IQSEC1: variants seen among roughly 807,000 people sequenced by gnomAD.
IQSEC1 encodes the protein IQ motif and Sec7 domain ArfGEF 1, also known as IQ motif and SEC7 domain-containing protein 1.
A neutral mutation model predicts 91.0 loss-of-function variants in IQSEC1; 31 were observed. That is an observed-to-expected ratio of 0.34 (90% CI 0.26 to 0.46). The LOEUF is 0.46. IQSEC1 is among the 20% of genes least tolerant of loss of function. The pLI is 1.00. For missense variants in IQSEC1, 1,388 were observed against 1,575.6 expected, an observed-to-expected ratio of 0.88 and a Z score of 2.02; for synonymous variants, 699 against 662.6, an observed-to-expected ratio of 1.05 and a Z score of -0.84.
chr3:13,060,519 G>A (rs1055886944), intron 1 of IQSEC1, among the ~76,000 whole-genome samples: 5 of 152,330 alleles, frequency 3.3e-5, no homozygotes, highest in East Asian at 1.9e-4. Flanking sequence ...ACCGATGGGC[G>A]GGGTAGCCCT....
At chr3:13,195,344 G>A (rs150129014) in intron 1 of IQSEC1, among the ~76,000 whole-genome samples, 8 of 152,282 alleles carry the variant, frequency 5.3e-5, no homozygotes, top group Admixed American at 2.6e-4. Flanking sequence ...ACCAGAGGCC[G>A]GAGAGGATAC....
At chr3:13,050,420 C>T (rs1488141482) in intron 1 of IQSEC1, among the ~76,000 whole-genome samples, 14 of 152,188 alleles carry the variant, frequency 9.2e-5, no homozygotes, top group Admixed American at 9.2e-4. Context: ...ATAGCAATAA[C>T]AGCGCCCACC....
intron 2 of IQSEC1, among the ~76,000 whole-genome samples, chr3:13,101,255 G>A (rs1576250318): frequency 6.6e-6 from 1 of 152,150 alleles, no homozygotes; most frequent in East Asian, 1.9e-4. Context: ...GCCGAGGTGG[G>A]TGGATCATGA....
At chr3:12,939,141 C>T (rs1232144078) in intron 2 of IQSEC1, among the ~76,000 whole-genome samples, 1 of 152,244 alleles carries the variant, frequency 6.6e-6, no homozygotes, top group African/African-American at 2.4e-5. Flanking sequence ...TACCCCACTT[C>T]TCAGCAAGGA....
chr3:13,146,116 TG>T (rs1369349965), intron 2 of IQSEC1, among the ~76,000 whole-genome samples: 1 of 151,738 alleles, frequency 6.6e-6, no homozygotes, highest in East Asian at 1.9e-4. Context: ...ACCTCCTAAG[TG>T]GCTGGGACTG....
At chr3:13,137,641 T>G (rs1706731987) in intron 2 of IQSEC1, among the ~76,000 whole-genome samples, 1 of 152,202 alleles carries the variant, frequency 6.6e-6, no homozygotes, top group African/African-American at 2.4e-5. Context: ...GGCTCACAGA[T>G]AATCATTATT....
At chr3:13,064,710 T>C (rs1387986261) in intron 1 of IQSEC1, among the ~76,000 whole-genome samples, 1 of 152,236 alleles carries the variant, frequency 6.6e-6, no homozygotes, top group East Asian at 1.9e-4. Flanking sequence ...ATTCAAATCA[T>C]ACAAAATGCA....
intron 1 of IQSEC1, among the ~76,000 whole-genome samples, chr3:13,021,735 C>CAGGG (rs1703406634): frequency 6.6e-6 from 1 of 152,244 alleles, no homozygotes; most frequent in Admixed American, 6.5e-5. Context: ...GGGGCAGGGC[C>CAGGG]AGGGTCACAC....
Position 13,035,799 on chromosome 3 carries a change from G to A in IQSEC1, c.23+37193C>T, listed in dbSNP as rs192548903. ...CTGGTGAAGATCATGCCATAGAAGC[G>A]ATGCTGTGTGTCTTCTGAGGCCTGG... is the stretch of plus-strand genomic sequence containing the variant. On this transcript the variant is annotated intron_variant, in intron 1 of 13. Coordinates refer to ENST00000613206, the MANE Select transcript of IQSEC1 (RefSeq NM_001134382.3). 1.2e-3 allele frequency among the ~76,000 whole-genome samples: 190 copies of A among 152,298 alleles called. 1 individual carries two copies. Among genetic ancestry groups the A allele is most frequent in the African/African-American group, 4.3e-3 (180 of 41,568 alleles).
intron 1 of IQSEC1, among the ~76,000 whole-genome samples, chr3:13,200,479 A>G (rs977960339): frequency 6.6e-6 from 1 of 151,728 alleles, no homozygotes; most frequent in Non-Finnish European, 1.5e-5. Flanking sequence ...ATCTGTAACC[A>G]ACAACAACCT....
intron 1 of IQSEC1, among the ~76,000 whole-genome samples, chr3:12,948,591 A>G (rs1353098678): frequency 6.6e-6 from 1 of 152,218 alleles, no homozygotes; most frequent in Non-Finnish European, 1.5e-5. Flanking sequence ...GATGTCTCTA[A>G]TTATGGCCTA....
intron 1 of IQSEC1, among the ~76,000 whole-genome samples, chr3:13,271,726 T>C (rs1006972469): frequency 6.6e-6 from 1 of 152,092 alleles, no homozygotes; most frequent in South Asian, 2.1e-4. Flanking sequence ...GCCCAGGAGT[T>C]TGAGGTTACA....
intron 1 of IQSEC1, among the ~76,000 whole-genome samples, chr3:13,247,210 T>C (rs1346034752): frequency 6.6e-6 from 1 of 152,106 alleles, no homozygotes; most frequent in Non-Finnish European, 1.5e-5. Flanking sequence ...TCCTAGAAGT[T>C]ACCTAATAGA....
intron 1 of IQSEC1, among the ~76,000 whole-genome samples, chr3:13,170,995 G>C (rs2125000264): frequency 6.6e-6 from 1 of 152,234 alleles, no homozygotes; most frequent in Non-Finnish European, 1.5e-5. Context: ...AGCTACTTGG[G>C]AGGCTGAGGC....
At chr3:13,004,383 T>A (rs1052386005) in intron 1 of IQSEC1, among the ~76,000 whole-genome samples, 2 of 152,176 alleles carry the variant, frequency 1.3e-5, no homozygotes, top group East Asian at 1.9e-4. Flanking sequence ...GGTGTTGAGA[T>A]GCAGCTGGGG....
At chr3:13,024,371 C>CTCCA (rs55811710) in intron 1 of IQSEC1, among the ~76,000 whole-genome samples, 3,438 of 142,022 alleles carry the variant, frequency 0.024, 72 homozygotes, top group African/African-American at 0.054. Context: ...CCATCCATCA[C>CTCCA]TCCATCCATC....
chr3:13,198,333 C>A (rs1694172515), intron 1 of IQSEC1, among the ~76,000 whole-genome samples: 2 of 152,060 alleles, frequency 1.3e-5, no homozygotes, highest in South Asian at 4.2e-4. Context: ...AAGAGTAATT[C>A]TGAAGCTTGG....
chr3:13,190,081 C>T (rs546961841), intron 1 of IQSEC1, among the ~76,000 whole-genome samples: 3 of 152,336 alleles, frequency 2.0e-5, no homozygotes, highest in Admixed American at 6.5e-5. Flanking sequence ...AGCAGTTTCC[C>T]AGACTCTCAC....
chr3:13,275,473 C>T (rs761507262), intron 1 of IQSEC1, among the ~76,000 whole-genome samples: 10 of 152,116 alleles, frequency 6.6e-5, no homozygotes, highest in Non-Finnish European at 1.2e-4. Flanking sequence ...CCAGTTGCAC[C>T]GACCTGTTAC....
Sources: allele counts gnomAD v4.1 joint callset (sites outside exome capture counted in the v4.1 genomes callset), GRCh38; gene constraint gnomAD v4.1.1; transcripts MANE v1.5; gene names NCBI Gene and HGNC (gene_info 2026-07-23, HGNC 2026-07-21).